SNTG1: variants seen among roughly 807,000 people sequenced by gnomAD.
The protein encoded by SNTG1 is gamma-1-syntrophin.
In SNTG1, 39 loss-of-function variants were observed where a neutral mutation model predicts 74.7. The ratio of observed to expected loss-of-function variants is 0.52; its 90% CI spans 0.40 to 0.68. The LOEUF is 0.68. Among genes scored for constraint, SNTG1 ranks in the 30% least tolerant of loss-of-function variants. The pLI is 0.00. For synonymous variants in SNTG1, 254 were observed against 217.1 expected, an observed-to-expected ratio of 1.17 and a Z score of -1.49; for missense variants, 685 against 609.5, an observed-to-expected ratio of 1.12 and a Z score of -1.30.
At chr8:50,256,291 T>A (rs1028896954) in intron 2 of SNTG1, among the ~76,000 whole-genome samples, 1 of 152,084 alleles carries the variant, frequency 6.6e-6, no homozygotes, top group African/African-American at 2.4e-5. Context: ...TATATTGTTT[T>A]CTTTAAGAGA....
intron 3 of SNTG1, among the ~76,000 whole-genome samples, chr8:50,400,886 C>A (rs556693121): frequency 3.3e-5 from 5 of 151,906 alleles, no homozygotes; most frequent in Non-Finnish European, 5.9e-5. Context: ...CTCTAGTGCA[C>A]GCTAGGATGA....
chr8:50,536,558 C>T, intron 10 of SNTG1, 120 bp from the exon 11 acceptor site: 1 of 1,201,160 alleles, frequency 8.3e-7, no homozygotes. Context: ...CATGGTATTC[C>T]ATTAAAGTCT....
chr8:50,512,817 C>G (rs2094094303), intron 9 of SNTG1, among the ~76,000 whole-genome samples: 1 of 152,114 alleles, frequency 6.6e-6, no homozygotes, highest in African/African-American at 2.4e-5. Context: ...AGCCATTCAT[C>G]TAATTTTTTT....
rs1723396896 is a variant in SNTG1 at position 50,428,909 on chromosome 8, CA to C, written c.163-9629del. On this transcript the variant is annotated intron_variant, in intron 4 of 18. Coordinates refer to ENST00000642720, the MANE Select transcript of SNTG1 (RefSeq NM_018967.5). Reference sequence around the variant, plus strand: ...CCCCATTGTTCATTTAAAGTAGCATCAAAAATACTTAGGAATAAATTTAACA... The same window carrying C: ...CCCCATTGTTCATTTAAAGTAGCATCAAAATACTTAGGAATAAATTTAACA... 1.3e-5 allele frequency among the ~76,000 whole-genome samples: 2 copies of C among 151,844 alleles called. 1 individual carries two copies. The highest frequency in any genetic ancestry group is 4.2e-4 in the South Asian group (2 of 4,800).
intron 1 of SNTG1, among the ~76,000 whole-genome samples, chr8:50,098,935 GTTC>G (rs2080028519): frequency 6.6e-6 from 1 of 152,054 alleles, no homozygotes; most frequent in Non-Finnish European, 1.5e-5. Context: ...TCACACTATT[GTTC>G]TTCTGTAGGA....
chr8:50,406,567 C>T (rs909166608), intron 4 of SNTG1, among the ~76,000 whole-genome samples: 2 of 152,076 alleles, frequency 1.3e-5, no homozygotes, highest in Non-Finnish European at 2.9e-5. Context: ...ATTTCCAATA[C>T]TATGCTGAAT....
intron 15 of SNTG1, 139 bp from the exon 16 acceptor site, chr8:50,704,461 A>C: frequency 9.8e-7 from 1 of 1,015,974 alleles, no homozygotes; most frequent in Non-Finnish European, 1.5e-6. Flanking sequence ...TTCTGGTATA[A>C]TGTCTAATGA....
chr8:50,551,747 C>A (rs1358211949), intron 11 of SNTG1, among the ~76,000 whole-genome samples: 1 of 152,140 alleles, frequency 6.6e-6, no homozygotes, highest in Non-Finnish European at 1.5e-5. Flanking sequence ...TTCTGAAATT[C>A]TTTTAGTATA....
chr8:49,963,926 C>A (rs370991253), intron 1 of SNTG1, among the ~76,000 whole-genome samples: 7 of 152,248 alleles, frequency 4.6e-5, no homozygotes, highest in South Asian at 2.1e-4. Flanking sequence ...AGAACTTATA[C>A]ATAAAGCTCA....
rs143133625 is a variant in SNTG1 at position 50,548,802 on chromosome 8, T to G, written c.681-4248T>G. ...TGGCACCTGAGTTAACTTCTTAACA[T>G]TTGAAATGGATTTTGACAGGTAGAA... On this transcript the variant is annotated intron_variant, in intron 11 of 18. Transcript: ENST00000642720. 1.5e-3 allele frequency among the ~76,000 whole-genome samples: 234 copies of G among 152,336 alleles called. 1 individual carries two copies. Among genetic ancestry groups the G allele is most frequent in the African/African-American group, 5.4e-3 (225 of 41,594 alleles).
intron 1 of SNTG1, among the ~76,000 whole-genome samples, chr8:49,939,960 A>C (rs1808533003): frequency 6.6e-6 from 1 of 152,196 alleles, no homozygotes; most frequent in African/African-American, 2.4e-5. Context: ...GCAAAACTGA[A>C]AAAGTCTTAT....
chr8:50,545,680 C>T (rs376392080), intron 11 of SNTG1, among the ~76,000 whole-genome samples: 1 of 151,714 alleles, frequency 6.6e-6, no homozygotes, highest in Admixed American at 6.6e-5. Flanking sequence ...CTATGAAAAT[C>T]GATAATATTG....
At position 50,096,777 on chromosome 8, in the gene SNTG1, AT is replaced by A. The variant is rs1034096587; in HGVS notation, c.-102-75783del. On this transcript the variant is annotated intron_variant, in intron 1 of 18. Coordinates refer to ENST00000642720, the MANE Select transcript of SNTG1 (RefSeq NM_018967.5). ...CAGCTCACAAAAATTTGGTAAGATT[AT>A]CCACAAAAGTTATGAATGAGCTATC... Among the ~76,000 whole-genome samples the A allele has an allele frequency of 7.2e-5, 11 of 152,322 alleles. 1 individual carries two copies. The highest frequency in any genetic ancestry group is 2.4e-4 in the African/African-American group (10 of 41,574).
intron 1 of SNTG1, among the ~76,000 whole-genome samples, chr8:49,952,270 T>C (rs912821135): frequency 6.6e-6 from 1 of 152,148 alleles, no homozygotes; most frequent in Non-Finnish European, 1.5e-5. Context: ...AGACAGATTA[T>C]GAGAAGTGTT....
intron 15 of SNTG1, among the ~76,000 whole-genome samples, chr8:50,703,980 CT>C (rs1368985409): frequency 3.9e-5 from 6 of 151,996 alleles, no homozygotes; most frequent in African/African-American, 1.5e-4. Flanking sequence ...ATGTTAATGT[CT>C]CTTAAATTGG....
chr8:50,115,936 A>T (rs2080805398), intron 1 of SNTG1, among the ~76,000 whole-genome samples: 1 of 152,118 alleles, frequency 6.6e-6, no homozygotes, highest in African/African-American at 2.4e-5. Flanking sequence ...GTCATACACT[A>T]CAGCAGTCCC....
At chr8:50,051,009 G>T (rs1396253039) in intron 1 of SNTG1, among the ~76,000 whole-genome samples, 2 of 151,676 alleles carry the variant, frequency 1.3e-5, no homozygotes, top group African/African-American at 2.4e-5. Flanking sequence ...TTGATAAAAG[G>T]CATCTATGAA....
chr8:50,412,944 G>T (rs957992076), intron 4 of SNTG1, among the ~76,000 whole-genome samples: 7 of 152,196 alleles, frequency 4.6e-5, no homozygotes, highest in Non-Finnish European at 7.4e-5. Flanking sequence ...GTTTTAGAGC[G>T]GTGTACAATG....
At chr8:50,568,802 G>A (rs992438708) in intron 12 of SNTG1, 5 of 152,070 alleles carry the variant, frequency 3.3e-5, no homozygotes, top group African/African-American at 1.2e-4. Context: ...TTGCTGTGAG[G>A]AAGCCTTTTA....
Sources: gnomAD v4.1 joint callset for allele counts (sites outside exome capture counted in the v4.1 genomes callset) on GRCh38, gnomAD v4.1.1 for gene constraint, MANE v1.5 for transcripts, NCBI Gene and HGNC (gene_info 2026-07-23, HGNC 2026-07-21) for gene names.